Variants in RGS7 observed in about 807,000 individuals in gnomAD.
RGS7 encodes regulator of G-protein signaling 7.
Under a neutral mutation model 81.1 loss-of-function variants are expected in RGS7, and 27 were observed. The ratio of observed to expected loss-of-function variants is 0.33; its 90% CI spans 0.25 to 0.46. The LOEUF is 0.46. Among genes scored for constraint, RGS7 ranks in the 20% least tolerant of loss-of-function variants. The probability of loss-of-function intolerance (pLI) is 1.00; values close to 1 mark genes in which losing one functional copy is unlikely to be tolerated. For missense variants in RGS7, 396 were observed against 607.4 expected (o/e 0.65, Z 3.66); for synonymous variants, 208 against 207.7 (o/e 1.00, Z -0.01).
chr1:241,112,645 T>C (rs941355909), intron 2 of RGS7, among the ~76,000 whole-genome samples: 3 of 152,224 alleles, frequency 2.0e-5, no homozygotes, highest in Non-Finnish European at 2.9e-5. Context: ...GACCTTTTTC[T>C]CTGTGTAACA....
chr1:241,324,584 T>G (rs188476339), intron 2 of RGS7, among the ~76,000 whole-genome samples: 1 of 152,220 alleles, frequency 6.6e-6, no homozygotes, highest in African/African-American at 2.4e-5. Flanking sequence ...TCTAATTAAA[T>G]ACTCTTCTGG....
intron 11 of RGS7, among the ~76,000 whole-genome samples, chr1:240,815,444 T>G (rs940453345): frequency 6.6e-6 from 1 of 152,166 alleles, no homozygotes; most frequent in Non-Finnish European, 1.5e-5. Context: ...ATAAATGTAT[T>G]TATTACTATA....
At chr1:241,151,008 G>T (rs2068708603) in intron 2 of RGS7, among the ~76,000 whole-genome samples, 1 of 152,190 alleles carries the variant, frequency 6.6e-6, no homozygotes, top group East Asian at 1.9e-4. Context: ...GAGAAGGTGA[G>T]CAAGAGTCTG....
At chr1:240,824,704 C>T (rs1692484128) in intron 10 of RGS7, among the ~76,000 whole-genome samples, 1 of 152,226 alleles carries the variant, frequency 6.6e-6, no homozygotes, top group African/African-American at 2.4e-5. Flanking sequence ...TGTGTCCCCT[C>T]CCCTAAATTC....
At chr1:240,891,568 T>A (rs1337525757) in intron 6 of RGS7, among the ~76,000 whole-genome samples, 1 of 152,210 alleles carries the variant, frequency 6.6e-6, no homozygotes, top group Non-Finnish European at 1.5e-5. Flanking sequence ...TTATATTAAA[T>A]TTTAAAGCTA....
intron 2 of RGS7, among the ~76,000 whole-genome samples, chr1:241,108,176 C>T (rs1318996874): frequency 1.3e-5 from 2 of 151,790 alleles, no homozygotes; most frequent in African/African-American, 4.8e-5. Context: ...TAGTGACGCG[C>T]GCCTGTAATC....
intron 2 of RGS7, among the ~76,000 whole-genome samples, chr1:241,287,320 T>A (rs564435574): frequency 1.3e-5 from 2 of 152,244 alleles, no homozygotes; most frequent in Non-Finnish European, 2.9e-5. Flanking sequence ...AGGGACCCAG[T>A]GGGAGGTGAT....
intron 6 of RGS7, among the ~76,000 whole-genome samples, chr1:240,887,383 C>T (rs1315920032): frequency 3.3e-5 from 5 of 152,046 alleles, no homozygotes; most frequent in African/African-American, 7.2e-5. Flanking sequence ...CCCCTGCCAC[C>T]ACGCCCGGCT....
At chr1:240,815,586 G>A (rs6702140) in intron 11 of RGS7, among the ~76,000 whole-genome samples, 1 of 152,040 alleles carries the variant, frequency 6.6e-6, no homozygotes, top group South Asian at 2.1e-4. Flanking sequence ...AATTAAAAAC[G>A]CTCTGAATGA....
chr1:240,960,194 T>G (rs1681127097), intron 4 of RGS7, among the ~76,000 whole-genome samples: 1 of 133,208 alleles, frequency 7.5e-6, no homozygotes, highest in Non-Finnish European at 1.6e-5. Flanking sequence ...TGATTTGCTT[T>G]TCTTCTTCTT....
chr1:241,192,077 G>T (rs904101713), intron 2 of RGS7, among the ~76,000 whole-genome samples: 1 of 151,924 alleles, frequency 6.6e-6, no homozygotes, highest in African/African-American at 2.4e-5. Flanking sequence ...TGTGGTGTTT[G>T]GCTGGAATAG....
chr1:240,834,620 C>T (rs2147845093), intron 9 of RGS7, among the ~76,000 whole-genome samples: 1 of 152,304 alleles, frequency 6.6e-6, no homozygotes, highest in Non-Finnish European at 1.5e-5. Context: ...ACGCCATTCT[C>T]CTGCCTCAGC....
intron 2 of RGS7, among the ~76,000 whole-genome samples, chr1:241,301,698 C>CT (rs1280873146): frequency 1.3e-5 from 2 of 152,176 alleles, no homozygotes; most frequent in Non-Finnish European, 2.9e-5. Context: ...AACTATAATT[C>CT]TTTTTCCTCT....
intron 2 of RGS7, among the ~76,000 whole-genome samples, chr1:241,332,389 A>C (rs563837689): frequency 1.3e-5 from 2 of 152,226 alleles, no homozygotes; most frequent in Non-Finnish European, 2.9e-5. Context: ...AGAAATGTAC[A>C]TTAGAACCAT....
chr1:241,253,417 G>A (rs1019184059), intron 2 of RGS7, among the ~76,000 whole-genome samples: 4 of 152,126 alleles, frequency 2.6e-5, no homozygotes, highest in Admixed American at 6.5e-5. Flanking sequence ...GGGCTCCCAG[G>A]TGGCCATAGA....
chr1:240,804,522 A>G (rs1688527892), intron 15 of RGS7, among the ~76,000 whole-genome samples: 1 of 150,456 alleles, frequency 6.6e-6, no homozygotes, highest in South Asian at 2.1e-4. Flanking sequence ...GCCAAGTGGT[A>G]TTGTTTTCTA....
chr1:240,839,473 G>C (rs1001250760), intron 9 of RGS7, among the ~76,000 whole-genome samples: 1 of 152,094 alleles, frequency 6.6e-6, no homozygotes, highest in Non-Finnish European at 1.5e-5. Context: ...AATAAAATGT[G>C]GACAAGTTCT....
chr1:241,051,054 T>C (rs2061224902), intron 3 of RGS7, among the ~76,000 whole-genome samples: 1 of 152,116 alleles, frequency 6.6e-6, no homozygotes, highest in South Asian at 2.1e-4. Flanking sequence ...GGGTCTCTAC[T>C]TGTACTCTTG....
At chr1:240,887,292 G>A (rs1163104419) in intron 6 of RGS7, among the ~76,000 whole-genome samples, 2 of 144,262 alleles carry the variant, frequency 1.4e-5, no homozygotes, top group African/African-American at 2.8e-5. Flanking sequence ...GCAGTGGCGC[G>A]ATCTTGGCTC....
Sources: allele counts gnomAD v4.1 joint callset (sites outside exome capture counted in the v4.1 genomes callset), GRCh38; gene constraint gnomAD v4.1.1; transcripts MANE v1.5; gene names NCBI Gene and HGNC (gene_info 2026-07-23, HGNC 2026-07-21).